The following PTPRK variants were observed in gnomAD, a reference collection of about 807,000 sequenced individuals.
The protein encoded by PTPRK is protein tyrosine phosphatase receptor type K, also known as receptor-type tyrosine-protein phosphatase kappa.
Under a neutral mutation model 178.0 loss-of-function variants are expected in PTPRK, and 75 were observed. The observed-to-expected ratio is 0.42, with a 90% CI of 0.35 to 0.51. The LOEUF (loss-of-function observed/expected upper bound fraction) is 0.51. PTPRK is among the 20% of genes least tolerant of loss of function. The pLI, the probability that PTPRK is intolerant of heterozygous loss-of-function variation, is 0.02. For synonymous variants in PTPRK, 637 were observed against 620.6 expected (o/e 1.03, Z -0.39); for missense variants, 1,441 against 1,797.8 (o/e 0.80, Z 3.59).
intron 3 of PTPRK, among the ~76,000 whole-genome samples, chr6:128,277,488 CAT>C (rs989887243): frequency 2.0e-5 from 3 of 152,076 alleles, no homozygotes; most frequent in African/African-American, 7.2e-5. Flanking sequence ...AGAAAATAAT[CAT>C]ATGTTACTCT....
intron 7 of PTPRK, among the ~76,000 whole-genome samples, chr6:128,171,827 A>G (rs962983603): frequency 6.6e-6 from 1 of 151,976 alleles, no homozygotes. Flanking sequence ...GGTAACATTT[A>G]CCCCATTTTA....
chr6:128,302,359 TC>T (rs1310951884), intron 3 of PTPRK, among the ~76,000 whole-genome samples: 2 of 120,768 alleles, frequency 1.7e-5, no homozygotes, highest in African/African-American at 6.3e-5. Flanking sequence ...ACCACTGCAC[TC>T]CAGCCTGGGC....
At chr6:128,195,711 C>T (rs1804744469) in intron 6 of PTPRK, among the ~76,000 whole-genome samples, 1 of 152,024 alleles carries the variant, frequency 6.6e-6, no homozygotes. Flanking sequence ...CATGTATGTA[C>T]TACTAACTCC....
At chr6:127,995,439 T>C (rs1229380970) in intron 18 of PTPRK, 23 bp downstream of exon 18, 5 of 1,521,884 alleles carry the variant, frequency 3.3e-6, no homozygotes, top group South Asian at 1.2e-5. Context: ...AAAGTAGACA[T>C]ACTTAACTAT....
chr6:128,160,019 T>A (rs1287809103), intron 7 of PTPRK, among the ~76,000 whole-genome samples: 1 of 151,728 alleles, frequency 6.6e-6, no homozygotes, highest in Non-Finnish European at 1.5e-5. Flanking sequence ...TTCATTTATA[T>A]CTTGATATCT....
chr6:128,083,043 G>C (rs1785099748), intron 9 of PTPRK, among the ~76,000 whole-genome samples: 1 of 151,998 alleles, frequency 6.6e-6, no homozygotes, highest in African/African-American at 2.4e-5. Flanking sequence ...CATGTAAATA[G>C]TATTCAAATA....
intron 3 of PTPRK, among the ~76,000 whole-genome samples, chr6:128,305,715 T>C (rs192180028): frequency 2.0e-5 from 3 of 152,186 alleles, no homozygotes; most frequent in Admixed American, 1.3e-4. Flanking sequence ...ATAATAAAAT[T>C]AATAGCATCC....
intron 1 of PTPRK, among the ~76,000 whole-genome samples, chr6:128,515,234 T>C (rs1467150071): frequency 1.3e-5 from 2 of 152,250 alleles, no homozygotes; most frequent in East Asian, 3.8e-4. Flanking sequence ...AAATAAATGT[T>C]CTGTGACATT....
chr6:128,109,080 T>G (rs62427863), intron 7 of PTPRK, among the ~76,000 whole-genome samples: 31 of 152,024 alleles, frequency 2.0e-4, no homozygotes, highest in African/African-American at 7.5e-4. Context: ...TCCAAGAACA[T>G]TTAAAAAAAA....
chr6:128,471,215 C>T (rs1850606728), intron 1 of PTPRK, among the ~76,000 whole-genome samples: 1 of 152,046 alleles, frequency 6.6e-6, no homozygotes, highest in Non-Finnish European at 1.5e-5. Context: ...TTCCCAGCCA[C>T]TGTAAGAAAT....
At chr6:128,241,397 T>C (rs1814425225) in intron 4 of PTPRK, 1 of 485,416 alleles carries the variant, frequency 2.1e-6, no homozygotes, top group Non-Finnish European at 4.2e-6. Context: ...AGCCAAGCAA[T>C]CTGTGATTTA....
Position 128,184,431 on chromosome 6 carries a change from C to T in PTPRK, c.1162+1G>A. On this transcript the variant is annotated splice_donor_variant, in intron 7 of 29. Coordinates refer to ENST00000368226, the MANE Select transcript of PTPRK (RefSeq NM_002844.4). LOFTEE classifies it high-confidence loss of function. ...AGAAAAGGTCTGCTACTCAGTCTTA[C>T]CTGCACATTTTGTTCTGGTGATTAG... 6.2e-7 allele frequency: 1 copy of T among 1,613,090 alleles called. No homozygotes were observed. Among genetic ancestry groups the T allele is most frequent in the Non-Finnish European group, 8.5e-7 (1 of 1,179,486 alleles).
At chr6:128,486,646 T>TA (rs1453781318) in intron 1 of PTPRK, among the ~76,000 whole-genome samples, 1 of 151,622 alleles carries the variant, frequency 6.6e-6, no homozygotes, top group Admixed American at 6.6e-5. Context: ...TACAAAAAAA[T>TA]ACAAAAATTA....
chr6:128,140,953 A>T (rs1205358822), intron 7 of PTPRK, among the ~76,000 whole-genome samples: 1 of 151,994 alleles, frequency 6.6e-6, no homozygotes, highest in Non-Finnish European at 1.5e-5. Flanking sequence ...TGTATAAGGG[A>T]GAATTATTTC....
intron 3 of PTPRK, among the ~76,000 whole-genome samples, chr6:128,317,188 A>G (rs1755342211): frequency 6.6e-6 from 1 of 152,144 alleles, no homozygotes; most frequent in South Asian, 2.1e-4. Context: ...TACTAAAGAC[A>G]AAAAATGGGA....
intron 2 of PTPRK, among the ~76,000 whole-genome samples, chr6:128,347,801 A>C (rs1049129519): frequency 6.6e-6 from 1 of 152,104 alleles, no homozygotes; most frequent in African/African-American, 2.4e-5. Flanking sequence ...GAAATCTAAA[A>C]ATTTCCCACA....
intron 2 of PTPRK, among the ~76,000 whole-genome samples, chr6:128,343,455 G>A (rs1260593123): frequency 1.4e-5 from 2 of 145,414 alleles, no homozygotes; most frequent in Admixed American, 7.0e-5. Flanking sequence ...AGCCAAGATC[G>A]CACCATTGCA....
chr6:128,170,969 C>G (rs968193253), intron 7 of PTPRK, among the ~76,000 whole-genome samples: 1 of 151,414 alleles, frequency 6.6e-6, no homozygotes, highest in African/African-American at 2.4e-5. Flanking sequence ...TGCAAATACA[C>G]AGTTTAGAAA....
chr6:128,440,178 TC>T (rs1846100782), intron 1 of PTPRK, among the ~76,000 whole-genome samples: 1 of 152,112 alleles, frequency 6.6e-6, no homozygotes, highest in Non-Finnish European at 1.5e-5. Flanking sequence ...CTGGAACAAA[TC>T]CCCATATTTA....
Sources: allele counts gnomAD v4.1 joint callset (sites outside exome capture counted in the v4.1 genomes callset), GRCh38; gene constraint gnomAD v4.1.1; transcripts MANE v1.5; gene names NCBI Gene and HGNC (gene_info 2026-07-23, HGNC 2026-07-21).